Variants in LUZP2 observed in about 807,000 individuals in gnomAD.
LUZP2 encodes the protein leucine zipper protein 2.
LUZP2 carries 52 observed loss-of-function variants against 51.6 expected under a neutral mutation model. The ratio of observed to expected loss-of-function variants is 1.01; its 90% CI spans 0.81 to 1.27. The LOEUF (loss-of-function observed/expected upper bound fraction) is 1.27, where lower values mean the gene tolerates loss of function less well. Ranked by LOEUF, LUZP2 falls within the 50% of genes most tolerant of loss-of-function variation. LUZP2 has a pLI of 0.00. For synonymous variants in LUZP2, 154 were observed against 137.3 expected, an observed-to-expected ratio of 1.12 and a Z score of -0.85; for missense variants, 436 against 395.4, an observed-to-expected ratio of 1.10 and a Z score of -0.87.
intron 1 of LUZP2, among the ~76,000 whole-genome samples, chr11:24,638,271 A>C (rs1264072445): frequency 6.6e-6 from 1 of 151,870 alleles, no homozygotes; most frequent in African/African-American, 2.4e-5. Flanking sequence ...AAATAGTTAT[A>C]AAATCGATTA....
At chr11:24,936,541 T>A (rs1414245276) in intron 7 of LUZP2, among the ~76,000 whole-genome samples, 1 of 26,596 alleles carries the variant, frequency 3.8e-5, no homozygotes, top group African/African-American at 2.8e-4. Context: ...AGTAAGGCAA[T>A]TTTTTTTTTT....
At chr11:24,796,491 CTGTGTGTGTGTGTGTGTGTGTG>C (rs57329413) in intron 5 of LUZP2, among the ~76,000 whole-genome samples, 2 of 124,614 alleles carry the variant, frequency 1.6e-5, no homozygotes, top group African/African-American at 5.9e-5. Flanking sequence ...TAATAATAAT[CTGTGTGTGTGTGTGTGTGTGTG>C]TGTGTGTGTG....
intron 5 of LUZP2, among the ~76,000 whole-genome samples, chr11:24,841,418 T>G (rs970588858): frequency 1.3e-5 from 2 of 152,054 alleles, no homozygotes; most frequent in Non-Finnish European, 2.9e-5. Flanking sequence ...GGTATTTTTG[T>G]TACACCAGCC....
Position 24,640,085 on chromosome 11 carries a change from G to T in LUZP2, c.63-89084G>T, listed in dbSNP as rs368294855. ...TCCCATAGAGAAGAGGCATAAGAAA[G>T]TTATCTTTTTGACATCTGTATTTCA... On this transcript the variant is annotated intron_variant, in intron 1 of 11. Coordinates refer to ENST00000336930, the MANE Select transcript of LUZP2 (RefSeq NM_001009909.4). Among the ~76,000 whole-genome samples the T allele has an allele frequency of 8.6e-5, 13 of 151,606 alleles. No homozygotes were observed. The East Asian group carries it at 1.2e-3, about 14-fold the overall frequency.
chr11:24,899,580 GTC>G (rs1253601499), intron 5 of LUZP2, among the ~76,000 whole-genome samples: 3 of 151,954 alleles, frequency 2.0e-5, no homozygotes, highest in African/African-American at 4.8e-5. Context: ...TATATACAAA[GTC>G]TCAAGAAAGA....
At chr11:24,650,046 C>T (rs1055530582) in intron 1 of LUZP2, among the ~76,000 whole-genome samples, 1 of 151,106 alleles carries the variant, frequency 6.6e-6, no homozygotes, top group Non-Finnish European at 1.5e-5. Context: ...GCTGATCATC[C>T]TATATCTGTT....
intron 1 of LUZP2, among the ~76,000 whole-genome samples, chr11:24,502,454 G>A (rs1448170813): frequency 1.3e-5 from 2 of 152,082 alleles, no homozygotes; most frequent in East Asian, 3.9e-4. Flanking sequence ...GTGCCATCTC[G>A]GCTCCCTGCA....
chr11:25,027,255 TA>T (rs1259893096), intron 9 of LUZP2, among the ~76,000 whole-genome samples: 23 of 152,172 alleles, frequency 1.5e-4, no homozygotes, highest in African/African-American at 5.5e-4. Context: ...GGATAATTCA[TA>T]ATACAGCTTA....
chr11:24,700,259 T>C (rs952192980), intron 1 of LUZP2, among the ~76,000 whole-genome samples: 4 of 152,094 alleles, frequency 2.6e-5, no homozygotes, highest in Non-Finnish European at 5.9e-5. Flanking sequence ...AGACAGGGTT[T>C]CACCATGTTG....
At chr11:24,930,762 A>G (rs2133833417) in intron 7 of LUZP2, among the ~76,000 whole-genome samples, 1 of 152,290 alleles carries the variant, frequency 6.6e-6, no homozygotes, top group South Asian at 2.1e-4. Flanking sequence ...GTATTTGGAT[A>G]TCTAGATCTC....
At chr11:24,846,261 T>C (rs1851194544) in intron 5 of LUZP2, among the ~76,000 whole-genome samples, 1 of 152,038 alleles carries the variant, frequency 6.6e-6, no homozygotes, top group African/African-American at 2.4e-5. Flanking sequence ...GAGGAAAATG[T>C]ATAGCCCTTC....
At chr11:24,835,642 GAGACAAAAAC>G (rs1324520685) in intron 5 of LUZP2, among the ~76,000 whole-genome samples, 1 of 152,070 alleles carries the variant, frequency 6.6e-6, no homozygotes, top group Non-Finnish European at 1.5e-5. Context: ...TATAATGTAA[GAGACAAAAAC>G]AGACAGAGCT....
intron 7 of LUZP2, among the ~76,000 whole-genome samples, chr11:24,957,844 A>G (rs10834555): frequency 0.98 from 149,573 of 152,108 alleles, 73,563 homozygotes; most frequent in Middle Eastern, 1. Flanking sequence ...ATGCTGGTGC[A>G]CTGCACCCAC....
At chr11:24,921,286 C>T (rs1854045468) in intron 7 of LUZP2, among the ~76,000 whole-genome samples, 1 of 152,068 alleles carries the variant, frequency 6.6e-6, no homozygotes, top group Admixed American at 6.5e-5. Flanking sequence ...CTGGAGGAGG[C>T]GGTGTTTTGT....
chr11:24,946,261 G>T (rs1590760355), intron 7 of LUZP2, among the ~76,000 whole-genome samples: 1 of 151,904 alleles, frequency 6.6e-6, no homozygotes, highest in East Asian at 1.9e-4. Flanking sequence ...ATAGTGCCAA[G>T]ACAATATATT....
intron 5 of LUZP2, among the ~76,000 whole-genome samples, chr11:24,814,060 A>C (rs2134141734): frequency 6.6e-6 from 1 of 152,346 alleles, no homozygotes; most frequent in Admixed American, 6.5e-5. Flanking sequence ...GTTAGCTATT[A>C]TTATATTTGC....
chr11:24,805,438 C>T (rs1166407752), intron 5 of LUZP2, among the ~76,000 whole-genome samples: 1 of 152,144 alleles, frequency 6.6e-6, no homozygotes, highest in African/African-American at 2.4e-5. Context: ...TGGTCTCAAA[C>T]TCCTGACATC....
intron 1 of LUZP2, among the ~76,000 whole-genome samples, chr11:24,657,869 G>C (rs1453930917): frequency 6.6e-6 from 1 of 152,122 alleles, no homozygotes; most frequent in African/African-American, 2.4e-5. Context: ...ACTTACAAGG[G>C]ATGTGAAGAA....
intron 5 of LUZP2, among the ~76,000 whole-genome samples, chr11:24,843,608 G>A (rs575798687): frequency 6.6e-5 from 10 of 152,212 alleles, no homozygotes; most frequent in Middle Eastern, 3.4e-3. Flanking sequence ...ACAAGATGAA[G>A]AATAATATTT....
Sources: allele counts gnomAD v4.1 joint callset (sites outside exome capture counted in the v4.1 genomes callset), GRCh38; gene constraint gnomAD v4.1.1; transcripts MANE v1.5; gene names NCBI Gene and HGNC (gene_info 2026-07-23, HGNC 2026-07-21).